NRXN3: variants seen among roughly 807,000 people sequenced by gnomAD.
NRXN3 encodes neurexin III.
A neutral mutation model predicts 137.6 loss-of-function variants in NRXN3; 32 were observed. The ratio of observed to expected loss-of-function variants is 0.23; its 90% CI spans 0.18 to 0.31. The LOEUF (loss-of-function observed/expected upper bound fraction) is 0.31. Among genes scored for constraint, NRXN3 ranks in the 10% least tolerant of loss-of-function variants. NRXN3 has a pLI of 1.00. For synonymous variants in NRXN3, 798 were observed against 784.5 expected (o/e 1.02, Z -0.29); for missense variants, 1,574 against 2,062.5 (o/e 0.76, Z 4.59).
At chr14:78,424,257 T>A (rs1023777204) in intron 4 of NRXN3, among the ~76,000 whole-genome samples, 3 of 152,174 alleles carry the variant, frequency 2.0e-5, no homozygotes, top group Admixed American at 6.5e-5. Context: ...AAAAGTCCAT[T>A]TAGATGTCTT....
chr14:78,297,997 GAC>G, intron 4 of NRXN3, 137 bp downstream of exon 4: 1 of 976,560 alleles, frequency 1.0e-6, no homozygotes. Context: ...CTGGCTGCAG[GAC>G]CACCCTGCAG....
chr14:78,420,837 T>C (rs1303837179), intron 4 of NRXN3, among the ~76,000 whole-genome samples: 4 of 152,198 alleles, frequency 2.6e-5, no homozygotes, highest in Non-Finnish European at 2.9e-5. Context: ...TAGCCTTGGC[T>C]GAGGATCTTA....
intron 15 of NRXN3, among the ~76,000 whole-genome samples, chr14:79,081,250 C>T (rs1437228921): frequency 2.6e-5 from 4 of 152,202 alleles, no homozygotes; most frequent in Non-Finnish European, 5.9e-5. Context: ...AAGTGGTTAA[C>T]ATTTATTCCA....
intron 16 of NRXN3, among the ~76,000 whole-genome samples, chr14:79,626,761 C>T (rs1016308001): frequency 1.6e-4 from 25 of 152,282 alleles, no homozygotes; most frequent in African/African-American, 5.8e-4. Flanking sequence ...TTTCTCAGCA[C>T]GATTAGCCCT....
chr14:79,366,167 T>A (rs1418967086), intron 15 of NRXN3, among the ~76,000 whole-genome samples: 2 of 152,116 alleles, frequency 1.3e-5, no homozygotes, highest in Non-Finnish European at 2.9e-5. Flanking sequence ...TTTTTAAAAA[T>A]TTAAAATTTT....
intron 4 of NRXN3, among the ~76,000 whole-genome samples, chr14:78,378,450 A>G (rs1220672913): frequency 4.0e-5 from 6 of 148,172 alleles, no homozygotes; most frequent in Non-Finnish European, 1.5e-5. Flanking sequence ...GTGCCATTGC[A>G]CTCCAGCCTG....
intron 5 of NRXN3, among the ~76,000 whole-genome samples, chr14:78,647,156 A>G (rs1385756060): frequency 6.6e-6 from 1 of 152,250 alleles, no homozygotes; most frequent in Non-Finnish European, 1.5e-5. Flanking sequence ...TACTAAAAAC[A>G]CTTTTCTAAA....
chr14:79,840,899 C>A (rs959710737), intron 20 of NRXN3, among the ~76,000 whole-genome samples: 2 of 152,188 alleles, frequency 1.3e-5, no homozygotes, highest in Non-Finnish European at 2.9e-5. Context: ...TGATCATACT[C>A]ATTTGTTTCT....
In NRXN3 at chr14:78,242,833, T is replaced by G. The variant is rs2067223642; in HGVS notation, c.-261T>G. The G allele has an allele frequency of 2.2e-6, 1 of 446,086 alleles. No individual in the cohort carries two copies. Among genetic ancestry groups the G allele is most frequent in the South Asian group, 5.8e-5 (1 of 17,252 alleles). The allele number at this position is 446,086 out of a possible 1,614,324, so 27.6% of individuals were successfully genotyped here. The stretch of plus-strand genomic sequence containing the variant: ...CCAGTCCCTCACTTCCCCACCTGAT[T>G]TTCCTCCTCTTCTGCTGGTCCTGTC... On this transcript the variant is annotated 5_prime_UTR_variant, in exon 2 of 21. It adds an upstream start codon to the 5' untranslated region. Transcript: ENST00000335750.
At position 79,445,080 on chromosome 14, in the gene NRXN3, G is replaced by A. The variant is rs12587264; in HGVS notation, c.3263-22141G>A. Among the ~76,000 whole-genome samples the A allele has an allele frequency of 1.0e-3, 152 of 152,236 alleles. No homozygotes were observed. The East Asian group carries it at 0.019, about 19-fold the overall frequency. ...CACTCAGCTGGCAGTGGTGGCTCATGCCTGTAATCCCAGCAATTTTAGAGG... is the reference window on the plus strand; with the variant it reads ...CACTCAGCTGGCAGTGGTGGCTCATACCTGTAATCCCAGCAATTTTAGAGG... On this transcript the variant is annotated intron_variant, in intron 15 of 20. Coordinates refer to ENST00000335750, the MANE Select transcript of NRXN3 (RefSeq NM_001330195.2).
chr14:79,422,889 G>A (rs554356151), intron 15 of NRXN3, among the ~76,000 whole-genome samples: 3 of 151,872 alleles, frequency 2.0e-5, no homozygotes, highest in Admixed American at 6.6e-5. Context: ...TAGTAGAGAC[G>A]GGGTTTCACC....
chr14:78,419,976 C>CAT (rs2093364606), intron 4 of NRXN3, among the ~76,000 whole-genome samples: 3 of 39,640 alleles, frequency 7.6e-5, no homozygotes, highest in African/African-American at 1.4e-4. Flanking sequence ...CACACACACA[C>CAT]ACACACACAC....
At chr14:79,795,513 C>T (rs1319145665) in intron 19 of NRXN3, among the ~76,000 whole-genome samples, 1 of 152,188 alleles carries the variant, frequency 6.6e-6, no homozygotes, top group East Asian at 1.9e-4. Flanking sequence ...CATTTTTCCT[C>T]TACTGGGACT....
At chr14:78,974,682 C>CT (rs899529839) in intron 14 of NRXN3, among the ~76,000 whole-genome samples, 19 of 150,744 alleles carry the variant, frequency 1.3e-4, no homozygotes, top group South Asian at 4.2e-4. Flanking sequence ...GCAGGAGCTG[C>CT]TTTTTTTTTC....
rs561936815 is a variant in NRXN3, at chr14:79,524,762, C to T, written c.3444+57360C>T. On this transcript the variant is annotated intron_variant, in intron 16 of 20. Coordinates refer to ENST00000335750, the MANE Select transcript of NRXN3 (RefSeq NM_001330195.2). ...TACACATTTATTTAATGTGTATACACAGGAGCCTTCAAAATGAAGACCCAA... is the reference window on the plus strand; with the variant it reads ...TACACATTTATTTAATGTGTATACATAGGAGCCTTCAAAATGAAGACCCAA... Among the ~76,000 whole-genome samples, 3 of 152,250 alleles carry T rather than the reference C, an allele frequency of 2.0e-5. No homozygotes were observed. In the South Asian group the frequency reaches 6.2e-4, roughly 32 times the overall value.
At chr14:78,417,135 T>A (rs1011019922) in intron 4 of NRXN3, among the ~76,000 whole-genome samples, 1 of 152,250 alleles carries the variant, frequency 6.6e-6, no homozygotes, top group East Asian at 1.9e-4. Flanking sequence ...AAAGCCATCA[T>A]GGCTTCCCAA....
intron 16 of NRXN3, among the ~76,000 whole-genome samples, chr14:79,636,785 G>A (rs533911621): frequency 1.2e-3 from 176 of 152,288 alleles, no homozygotes; most frequent in Non-Finnish European, 2.1e-3. Context: ...GCCATGGGGG[G>A]ATGCAGCAAG....
intron 4 of NRXN3, among the ~76,000 whole-genome samples, chr14:78,298,964 C>G (rs768439599): frequency 6.6e-6 from 1 of 152,070 alleles, no homozygotes; most frequent in Admixed American, 6.5e-5. Context: ...AGGAACTGCC[C>G]GAGGCTGGAA....
At chr14:79,518,898 C>T (rs1295593328) in intron 16 of NRXN3, among the ~76,000 whole-genome samples, 2 of 152,056 alleles carry the variant, frequency 1.3e-5, no homozygotes, top group Non-Finnish European at 2.9e-5. Flanking sequence ...AGTTAAATCC[C>T]GTTAGCATTG....
Sources: allele counts gnomAD v4.1 joint callset (sites outside exome capture counted in the v4.1 genomes callset), GRCh38; gene constraint gnomAD v4.1.1; transcripts MANE v1.5; gene names NCBI Gene and HGNC (gene_info 2026-07-23, HGNC 2026-07-21).